TNFAIP8: variants seen among roughly 807,000 people sequenced by gnomAD.
TNFAIP8 encodes the protein tumor necrosis factor alpha-induced protein 8.
TNFAIP8 carries 7 observed loss-of-function variants against 13.3 expected under a neutral mutation model. The ratio of observed to expected loss-of-function variants is 0.52; its 90% CI spans 0.30 to 0.99. The LOEUF is 0.99. Ranked by LOEUF, TNFAIP8 falls within the 50% of genes least tolerant of loss-of-function variation. The pLI, the probability that TNFAIP8 is intolerant of heterozygous loss-of-function variation, is 0.07. For missense variants in TNFAIP8, 258 were observed against 236.9 expected (o/e 1.09, Z -0.58); for synonymous variants, 94 against 87.6 (o/e 1.07, Z -0.41).
At chr5:119,377,837 GT>G (rs1315339139) in intron 1 of TNFAIP8, among the ~76,000 whole-genome samples, 2 of 152,100 alleles carry the variant, frequency 1.3e-5, no homozygotes, top group African/African-American at 2.4e-5. Flanking sequence ...TGACTACCCA[GT>G]AGGAGTTGTT....
In TNFAIP8 at chr5:119,393,504, C is replaced by T; in HGVS notation, c.*123C>T. ...TATTTCAGAAAGACTTTACCCAATTCAGTTGTCAGACATAATGATTTATTT... is the reference window on the plus strand; with the variant it reads ...TATTTCAGAAAGACTTTACCCAATTTAGTTGTCAGACATAATGATTTATTT... On this transcript the variant is annotated 3_prime_UTR_variant, in exon 2 of 2. Transcript: ENST00000504771. The T allele has an allele frequency of 2.1e-6, 2 of 970,756 alleles. No homozygotes were observed. Among genetic ancestry groups the T allele is most frequent in the Non-Finnish European group, 3.0e-6 (2 of 666,592 alleles). The allele number at this position is 970,756 out of a possible 1,614,324, so 60.1% of individuals were successfully genotyped here. A position where few individuals can be genotyped will look rare whatever the true frequency, so the allele number is the denominator to read the frequency against.
At chr5:119,302,575 A>G (rs900117926) in intron 1 of TNFAIP8, among the ~76,000 whole-genome samples, 4 of 152,172 alleles carry the variant, frequency 2.6e-5, no homozygotes, top group African/African-American at 9.7e-5. Context: ...ATCATATTGA[A>G]TAACATCATC....
At chr5:119,356,195 GA>G (rs1301241139) in intron 1 of TNFAIP8, 74 bp downstream of exon 1, 4 of 1,358,886 alleles carry the variant, frequency 2.9e-6, no homozygotes, top group Non-Finnish European at 4.0e-6. Flanking sequence ...GGTAGAAGAG[GA>G]TGGGAGTTTT....
chr5:119,333,577 A>C, intron 1 of TNFAIP8: 1 of 1,535,614 alleles, frequency 6.5e-7, no homozygotes, highest in Non-Finnish European at 8.7e-7. Flanking sequence ...GACTCTACCA[A>C]GATACTGTGA....
At chr5:119,282,284 C>CAG (rs56106349) in intron 1 of TNFAIP8, among the ~76,000 whole-genome samples, 120,690 of 151,944 alleles carry the variant, frequency 0.79, 49,054 homozygotes, top group East Asian at 0.98. Context: ...GTAAAGAGTT[C>CAG]AGTTAACACT....
chr5:119,367,622 A>G (rs1157907533), intron 1 of TNFAIP8, among the ~76,000 whole-genome samples: 1 of 152,198 alleles, frequency 6.6e-6, no homozygotes, highest in East Asian at 1.9e-4. Context: ...TTTTTATTCC[A>G]TGAATGACTC....
At chr5:119,392,052 C>T (rs1274497052) in intron 1 of TNFAIP8, among the ~76,000 whole-genome samples, 2 of 152,100 alleles carry the variant, frequency 1.3e-5, no homozygotes. Context: ...AAGGTTATTT[C>T]CCCAAAATGT....
At chr5:119,347,919 A>C (rs1750969026) in intron 1 of TNFAIP8, among the ~76,000 whole-genome samples, 1 of 152,242 alleles carries the variant, frequency 6.6e-6, no homozygotes, top group Non-Finnish European at 1.5e-5. Flanking sequence ...AAATTATGGC[A>C]ACTAGAAGTG....
At chr5:119,290,443 T>C (rs1748944886) in intron 1 of TNFAIP8, among the ~76,000 whole-genome samples, 1 of 152,164 alleles carries the variant, frequency 6.6e-6, no homozygotes. Context: ...TTCCTCAATA[T>C]GTAAACCTCT....
chr5:119,288,467 T>G (rs1748874839), intron 1 of TNFAIP8, among the ~76,000 whole-genome samples: 2 of 152,232 alleles, frequency 1.3e-5, no homozygotes, highest in African/African-American at 4.8e-5. Context: ...TGCAGCACAA[T>G]CAATGGGATT....
intron 1 of TNFAIP8, among the ~76,000 whole-genome samples, chr5:119,319,240 C>G (rs928762866): frequency 1.3e-5 from 2 of 152,204 alleles, no homozygotes; most frequent in East Asian, 3.8e-4. Context: ...CACTACTACA[C>G]TTCAGCCTGG....
intron 1 of TNFAIP8, among the ~76,000 whole-genome samples, chr5:119,273,660 C>T (rs1748356376): frequency 6.6e-6 from 1 of 152,158 alleles, no homozygotes; most frequent in African/African-American, 2.4e-5. Flanking sequence ...TTCACAACTC[C>T]CATGTTTAAA....
chr5:119,366,899 C>CAAAAT (rs1323499310), intron 1 of TNFAIP8, among the ~76,000 whole-genome samples: 2 of 152,144 alleles, frequency 1.3e-5, no homozygotes, highest in African/African-American at 4.8e-5. Context: ...CCTACCTATT[C>CAAAAT]CAGCATACTT....
At chr5:119,277,887 C>A (rs1020459630) in intron 1 of TNFAIP8, among the ~76,000 whole-genome samples, 15 of 152,096 alleles carry the variant, frequency 9.9e-5, no homozygotes, top group African/African-American at 3.6e-4. Flanking sequence ...GGGCAAAAGG[C>A]ACTGGGGTAC....
intron 1 of TNFAIP8, among the ~76,000 whole-genome samples, chr5:119,340,954 G>A (rs553741893): frequency 2.0e-5 from 3 of 152,196 alleles, no homozygotes; most frequent in African/African-American, 7.2e-5. Flanking sequence ...CAGATGTCGG[G>A]GTATTGTGGG....
intron 1 of TNFAIP8, among the ~76,000 whole-genome samples, chr5:119,299,494 G>A (rs909118062): frequency 1.4e-4 from 22 of 152,190 alleles, no homozygotes; most frequent in South Asian, 2.1e-4. Flanking sequence ...GTACCCGGCC[G>A]TGTGAGGTGT....
chr5:119,336,976 A>G (rs1361842659), intron 1 of TNFAIP8, among the ~76,000 whole-genome samples: 2 of 152,164 alleles, frequency 1.3e-5, no homozygotes, highest in Non-Finnish European at 2.9e-5. Flanking sequence ...TCTTATGACC[A>G]TTGTCCTCTG....
At position 119,393,521 on chromosome 5, in the gene TNFAIP8, G is replaced by T; in HGVS notation, c.*140G>T. 1.1e-6 allele frequency: 1 copy of T among 915,900 alleles called. No individual in the cohort carries two copies. The highest frequency in any genetic ancestry group is 1.6e-6 in the Non-Finnish European group (1 of 625,576). 56.7% of individuals were successfully genotyped at this position (915,900 alleles called of 1,614,324 possible). On this transcript the variant is annotated 3_prime_UTR_variant, in exon 2 of 2. Coordinates refer to ENST00000504771, the MANE Select transcript of TNFAIP8 (RefSeq NM_014350.4). ...ACCCAATTCAGTTGTCAGACATAAT[G>T]ATTTATTTGAAGGCTTGTTTTATTT...
At chr5:119,355,754 G>A (rs1264137486), upstream of TNFAIP8, 2 of 261,988 alleles carry the variant, frequency 7.6e-6, no homozygotes, top group African/African-American at 4.5e-5. Flanking sequence ...CCTGTGTCTC[G>A]GGAGAGTCGG....
Sources: allele counts gnomAD v4.1 joint callset (sites outside exome capture counted in the v4.1 genomes callset), GRCh38; gene constraint gnomAD v4.1.1; transcripts MANE v1.5; gene names NCBI Gene and HGNC (gene_info 2026-07-23, HGNC 2026-07-21).